TMEM132B: variants seen among roughly 807,000 people sequenced by gnomAD.
TMEM132B encodes the protein transmembrane protein 132B.
TMEM132B carries 18 observed loss-of-function variants against 90.8 expected under a neutral mutation model. The ratio of observed to expected loss-of-function variants is 0.20; its 90% CI spans 0.14 to 0.29. The LOEUF is 0.29. Among genes scored for constraint, TMEM132B ranks in the 10% least tolerant of loss-of-function variants. TMEM132B has a pLI of 1.00. For missense variants in TMEM132B, 1,096 were observed against 1,326.8 expected, an observed-to-expected ratio of 0.83 and a Z score of 2.70; for synonymous variants, 504 against 523.3, an observed-to-expected ratio of 0.96 and a Z score of 0.50.
chr12:125,344,107 TAGAC>T (rs1877282499), intron 1 of TMEM132B, among the ~76,000 whole-genome samples: 1 of 151,780 alleles, frequency 6.6e-6, no homozygotes, highest in South Asian at 2.1e-4. Flanking sequence ...TGAATTTTAG[TAGAC>T]AGAATGGATA....
Position 125,415,139 on chromosome 12 carries a change from A to G in TMEM132B, c.960-392A>G, listed in dbSNP as rs1477363333. 1.3e-5 allele frequency among the ~76,000 whole-genome samples: 2 copies of G among 152,058 alleles called. No individual in the cohort carries two copies. The highest frequency in any genetic ancestry group is 2.9e-5 in the Non-Finnish European group (2 of 68,006). On this transcript the variant is annotated intron_variant, in intron 2 of 8. Transcript: ENST00000682704. This position sits in a 1 kb window ranked among gnomAD's most constrained non-coding sequence, Gnocchi z 5.3. ...CTGTGTGATCTTCTGGCCTTGCACA[A>G]CCCACCCCGCATCTTAAAGACTCTT...
At chr12:125,300,637 GTGACT>G (rs1463575355) in intron 1 of TMEM132B, among the ~76,000 whole-genome samples, 8 of 152,222 alleles carry the variant, frequency 5.3e-5, no homozygotes, top group African/African-American at 1.9e-4. Context: ...AGCACATCAG[GTGACT>G]TGACTCATTT....
chr12:125,506,183 G>T (rs1882844670), intron 3 of TMEM132B, among the ~76,000 whole-genome samples: 1 of 152,186 alleles, frequency 6.6e-6, no homozygotes, highest in Non-Finnish European at 1.5e-5. Flanking sequence ...ATCCTACCCA[G>T]TTATAGAAAG....
At chr12:125,550,366 T>A (rs920390465) in intron 4 of TMEM132B, among the ~76,000 whole-genome samples, 25 of 152,228 alleles carry the variant, frequency 1.6e-4, no homozygotes, top group African/African-American at 5.1e-4. Context: ...CTGTTTTTTT[T>A]AAACTCATTT....
chr12:125,334,143 CATT>C (rs1450661359), intron 1 of TMEM132B, among the ~76,000 whole-genome samples: 9 of 152,274 alleles, frequency 5.9e-5, no homozygotes, highest in Admixed American at 5.2e-4. Context: ...AATCTTAAAT[CATT>C]AGTATGAATT....
At chr12:125,289,585 C>A (rs1041922781) in intron 1 of TMEM132B, among the ~76,000 whole-genome samples, 2 of 152,196 alleles carry the variant, frequency 1.3e-5, no homozygotes, top group African/African-American at 4.8e-5. Context: ...CAGAGAATAA[C>A]AATAGTGGCA....
At chr12:125,193,818 C>G (rs1872857356) in intron 1 of TMEM132B, among the ~76,000 whole-genome samples, 1 of 152,216 alleles carries the variant, frequency 6.6e-6, no homozygotes, top group African/African-American at 2.4e-5. Context: ...GTCATTCTTG[C>G]AGAGCAAGAC....
intron 1 of TMEM132B, among the ~76,000 whole-genome samples, chr12:125,273,581 T>C (rs1874905581): frequency 6.6e-6 from 1 of 152,166 alleles, no homozygotes; most frequent in Non-Finnish European, 1.5e-5. Context: ...AGTGAGACCC[T>C]GTCTCAAAAA....
rs780305604 is a variant in TMEM132B at position 125,290,099 on chromosome 12, G to A, written c.68-59353G>A. On this transcript the variant is annotated intron_variant, in intron 1 of 8. Transcript: ENST00000682704. ...TTCTTCATTAGAGCCTACAAAGTCGGTATGTTTTAAAATCCAAAACTGGAA... is the reference window on the plus strand; with the variant it reads ...TTCTTCATTAGAGCCTACAAAGTCGATATGTTTTAAAATCCAAAACTGGAA... Among the ~76,000 whole-genome samples the A allele has an allele frequency of 2.6e-4, 40 of 152,246 alleles. No individual in the cohort carries two copies. The Middle Eastern group carries it at 0.01, about 39-fold the overall frequency.
At chr12:125,632,386 A>G (rs1027102993) in intron 5 of TMEM132B, among the ~76,000 whole-genome samples, 3 of 152,132 alleles carry the variant, frequency 2.0e-5, no homozygotes, top group African/African-American at 7.2e-5. Flanking sequence ...TGATTGGTTC[A>G]TCATTAAGTC....
chr12:125,288,377 A>G (rs1875427029), intron 1 of TMEM132B, among the ~76,000 whole-genome samples: 1 of 149,454 alleles, frequency 6.7e-6, no homozygotes, highest in Non-Finnish European at 1.5e-5. Flanking sequence ...GCAGGAGAAT[A>G]GCTTGAATCC....
intron 2 of TMEM132B, among the ~76,000 whole-genome samples, chr12:125,381,776 A>G (rs1444098937): frequency 2.6e-5 from 4 of 152,166 alleles, no homozygotes; most frequent in African/African-American, 9.7e-5. Flanking sequence ...CAGGGACTGA[A>G]TGGGGGCAGA....
intron 4 of TMEM132B, among the ~76,000 whole-genome samples, chr12:125,562,514 C>A (rs1485572438): frequency 2.0e-5 from 3 of 152,194 alleles, no homozygotes; most frequent in Non-Finnish European, 4.4e-5. Flanking sequence ...GAAGCTTAAT[C>A]ATTTCTAGCT....
intron 1 of TMEM132B, among the ~76,000 whole-genome samples, chr12:125,217,258 G>T (rs1157218966): frequency 6.6e-6 from 1 of 152,182 alleles, no homozygotes; most frequent in Non-Finnish European, 1.5e-5. Flanking sequence ...CTAGGCAGGA[G>T]GGTGGGGAAG....
chr12:125,270,635 C>T (rs2136118994), intron 1 of TMEM132B, among the ~76,000 whole-genome samples: 1 of 152,270 alleles, frequency 6.6e-6, no homozygotes, highest in Admixed American at 6.5e-5. Context: ...GAGTGAAACA[C>T]ACCTCAGGAC....
At chr12:125,645,070 T>G (rs2137032139) in intron 6 of TMEM132B, among the ~76,000 whole-genome samples, 1 of 146,348 alleles carries the variant, frequency 6.8e-6, no homozygotes, top group African/African-American at 2.6e-5. Context: ...CCAAAAAAAA[T>G]AGCTGGGCGT....
rs144891474 is a variant in TMEM132B, at chr12:125,506,224, G to T, written c.1107-13215G>T. Among the ~76,000 whole-genome samples, 55 of 152,296 alleles carry T rather than the reference G, an allele frequency of 3.6e-4. No homozygotes were observed. In the East Asian group the frequency reaches 6.6e-3, roughly 18 times the overall value. ...TGCTACTGATGGGCACACAAACATG[G>T]ATTAACCATCAAAGCCTCATGTTAA... On this transcript the variant is annotated intron_variant, in intron 3 of 8. Transcript: ENST00000682704.
At chr12:125,404,360 A>G (rs1164149776) in intron 2 of TMEM132B, among the ~76,000 whole-genome samples, 1 of 152,074 alleles carries the variant, frequency 6.6e-6, no homozygotes, top group Non-Finnish European at 1.5e-5. Flanking sequence ...TGTTAGAGGA[A>G]TTTTCTGCTA....
At chr12:125,456,859 A>G (rs1881304942) in intron 3 of TMEM132B, among the ~76,000 whole-genome samples, 1 of 152,202 alleles carries the variant, frequency 6.6e-6, no homozygotes, top group Admixed American at 6.5e-5. Flanking sequence ...TTTCTGTAGC[A>G]AAATGTATGT....
Sources: allele counts gnomAD v4.1 joint callset (sites outside exome capture counted in the v4.1 genomes callset), GRCh38; gene constraint gnomAD v4.1.1; non-coding constraint Gnocchi (gnomAD v3.1); transcripts MANE v1.5; gene names NCBI Gene and HGNC (gene_info 2026-07-23, HGNC 2026-07-21).